PCLO: variants seen among roughly 807,000 people sequenced by gnomAD.
PCLO encodes the protein piccolo presynaptic cytomatrix protein.
A neutral mutation model predicts 427.5 loss-of-function variants in PCLO; 82 were observed. The ratio of observed to expected loss-of-function variants is 0.19; its 90% CI spans 0.16 to 0.23. PCLO has a LOEUF of 0.23. Among genes scored for constraint, PCLO ranks in the 10% least tolerant of loss-of-function variants. PCLO has a pLI of 1.00. For synonymous variants in PCLO, 2,357 were observed against 2,155.4 expected, an observed-to-expected ratio of 1.09 and a Z score of -2.59; for missense variants, 6,239 against 6,115.9, an observed-to-expected ratio of 1.02 and a Z score of -0.67.
chr7:82,765,323 A>C (rs1235017580), intron 22 of PCLO, among the ~76,000 whole-genome samples: 2 of 152,034 alleles, frequency 1.3e-5, no homozygotes, highest in East Asian at 3.9e-4. Flanking sequence ...AATTGGTTTA[A>C]ATTCCAACTC....
At chr7:82,780,285 C>T (rs1446831914) in intron 22 of PCLO, among the ~76,000 whole-genome samples, 1 of 152,112 alleles carries the variant, frequency 6.6e-6, no homozygotes, top group Non-Finnish European at 1.5e-5. Flanking sequence ...AATACAATTG[C>T]CATTAAAGTT....
At chr7:83,096,511 A>T (rs963241058) in intron 3 of PCLO, among the ~76,000 whole-genome samples, 1 of 151,760 alleles carries the variant, frequency 6.6e-6, no homozygotes, top group African/African-American at 2.4e-5. Context: ...AAAATATTTA[A>T]ACCATGTGAA....
At chr7:82,911,587 C>G (rs912752103) in intron 7 of PCLO, among the ~76,000 whole-genome samples, 1 of 151,884 alleles carries the variant, frequency 6.6e-6, no homozygotes, top group Non-Finnish European at 1.5e-5. Context: ...AATATATATA[C>G]TTTTAAAAAG....
At chr7:82,957,802 T>G (rs1795562494) in intron 4 of PCLO, among the ~76,000 whole-genome samples, 1 of 152,166 alleles carries the variant, frequency 6.6e-6, no homozygotes, top group Non-Finnish European at 1.5e-5. Flanking sequence ...AAAAGCAGCT[T>G]CCTTAAACAA....
chr7:83,144,692 T>C (rs1791949822), intron 2 of PCLO, among the ~76,000 whole-genome samples: 1 of 152,194 alleles, frequency 6.6e-6, no homozygotes, highest in East Asian at 1.9e-4. Context: ...TTCATTGTCA[T>C]TTATTTCCTT....
chr7:82,787,196 C>T (rs1249652724), intron 22 of PCLO, among the ~76,000 whole-genome samples: 5 of 152,032 alleles, frequency 3.3e-5, no homozygotes, highest in Non-Finnish European at 5.9e-5. Flanking sequence ...AATTTACACT[C>T]CCACCAAGAC....
chr7:82,854,490 CA>C (rs906661204), intron 10 of PCLO, among the ~76,000 whole-genome samples: 1 of 151,942 alleles, frequency 6.6e-6, no homozygotes, highest in African/African-American at 2.4e-5. Context: ...AATTTTAATG[CA>C]AATTTTATAA....
intron 3 of PCLO, among the ~76,000 whole-genome samples, chr7:83,021,640 G>A (rs1788346063): frequency 6.6e-6 from 1 of 151,992 alleles, no homozygotes; most frequent in Non-Finnish European, 1.5e-5. Flanking sequence ...CCAGCATATA[G>A]AAATAAAAAC....
intron 20 of PCLO, among the ~76,000 whole-genome samples, chr7:82,816,386 T>A (rs1584004960): frequency 6.6e-6 from 1 of 152,020 alleles, no homozygotes; most frequent in South Asian, 2.1e-4. Context: ...TGCCCCATGC[T>A]CTTATTGTAC....
intron 22 of PCLO, among the ~76,000 whole-genome samples, chr7:82,791,343 A>G (rs896069476): frequency 3.9e-5 from 6 of 152,216 alleles, no homozygotes; most frequent in Admixed American, 3.9e-4. Context: ...CATAACACCA[A>G]CAATAGTTGT....
At chr7:83,140,197 G>C (rs1009911987) in intron 2 of PCLO, among the ~76,000 whole-genome samples, 1 of 152,086 alleles carries the variant, frequency 6.6e-6, no homozygotes, top group Non-Finnish European at 1.5e-5. Context: ...GATTTATTCT[G>C]AAGTGGGTCT....
chr7:82,833,946 A>G (rs1792161982), intron 16 of PCLO, among the ~76,000 whole-genome samples: 1 of 152,104 alleles, frequency 6.6e-6, no homozygotes, highest in Non-Finnish European at 1.5e-5. Context: ...TAAAATTCAA[A>G]CGCAAGTTCT....
intron 3 of PCLO, among the ~76,000 whole-genome samples, chr7:82,982,410 A>C (rs894643863): frequency 3.3e-5 from 5 of 152,110 alleles, no homozygotes; most frequent in African/African-American, 1.2e-4. Flanking sequence ...AGCATGCTAA[A>C]CTGAAGGCAA....
rs765514605 is a variant in PCLO, at chr7:82,952,056, C to T, written c.8897G>A (p.Arg2966His). The T allele has an allele frequency of 9.3e-6, 15 of 1,613,940 alleles. No homozygotes were observed. Among genetic ancestry groups the T allele is most frequent in the Middle Eastern group, 3.3e-4 (2 of 6,062 alleles). ...QQPATTLPED[R>H]FGYRDDHYQY... ...ATAGTGGTCATCCCTATAACCAAAACGATCCTCAGGAAGAGTAGTTGCAGG... is the reference window on the plus strand; with the variant it reads ...ATAGTGGTCATCCCTATAACCAAAATGATCCTCAGGAAGAGTAGTTGCAGG... The change falls in exon 5 of 25, where the codon CGT becomes CAT. Residue 2966 changes from arginine (R) to histidine (H), a missense_variant. Around this residue, in one of 5 missense-constraint regions of PCLO, gnomAD observed 4,677 missense variants for 4,468.4 expected, o/e 1.05. Transcript: ENST00000333891.
intron 19 of PCLO, among the ~76,000 whole-genome samples, chr7:82,823,369 A>G (rs1473523782): frequency 6.6e-6 from 1 of 152,214 alleles, no homozygotes; most frequent in Non-Finnish European, 1.5e-5. Flanking sequence ...AATCTCATGT[A>G]CAAAGAACCA....
chr7:83,011,198 C>A (rs1391462837), intron 3 of PCLO, among the ~76,000 whole-genome samples: 1 of 151,986 alleles, frequency 6.6e-6, no homozygotes, highest in Admixed American at 6.6e-5. Flanking sequence ...CTTCTCAAAA[C>A]TACCATGTGA....
rs1046193722 is a variant in PCLO at position 82,755,045 on chromosome 7, G to A, written c.*3530C>T. On this transcript the variant is annotated 3_prime_UTR_variant, in exon 25 of 25. Coordinates refer to ENST00000333891, the MANE Select transcript of PCLO (RefSeq NM_033026.6). ...TTGATCAAATAATTTCTAATAAATT[G>A]GGCACAATATAATATATACTTTTAT... 1 of 151,760 alleles carries A rather than the reference G, an allele frequency of 6.6e-6. No homozygotes were observed. The highest frequency in any genetic ancestry group is 2.4e-5 in the African/African-American group (1 of 41,310). The allele number at this position is 151,760 out of a possible 1,614,324, so 9.4% of individuals were successfully genotyped here.
At chr7:82,791,850 T>A (rs899914523) in intron 22 of PCLO, among the ~76,000 whole-genome samples, 6 of 152,034 alleles carry the variant, frequency 3.9e-5, no homozygotes, top group African/African-American at 1.4e-4. Context: ...TTTTAAAAAA[T>A]TTTCATTAAA....
chr7:83,062,109 T>C (rs1033546827), intron 3 of PCLO, among the ~76,000 whole-genome samples: 3 of 152,148 alleles, frequency 2.0e-5, no homozygotes, highest in African/African-American at 4.8e-5. Flanking sequence ...ATGTTAAATA[T>C]GGATTTTATT....
Sources: gnomAD v4.1 joint callset for allele counts (sites outside exome capture counted in the v4.1 genomes callset) on GRCh38, gnomAD v4.1.1 for gene constraint, gnomAD v4.1.1 regional missense constraint, MANE v1.5 for transcripts, NCBI Gene and HGNC (gene_info 2026-07-23, HGNC 2026-07-21) for gene names.